CRYBG3: variants seen among roughly 807,000 people sequenced by gnomAD.
CRYBG3 encodes very large A-kinase anchor protein.
In CRYBG3, 127 loss-of-function variants were observed where a neutral mutation model predicts 244.2. That is an observed-to-expected ratio of 0.52 (90% CI 0.45 to 0.60). CRYBG3 has a LOEUF of 0.60. Ranked by LOEUF, CRYBG3 falls within the 20% of genes least tolerant of loss-of-function variation. The pLI, the probability that CRYBG3 is intolerant of heterozygous loss-of-function variation, is 0.00. For synonymous variants in CRYBG3, 1,132 were observed against 1,195.8 expected (o/e 0.95, Z 1.10); for missense variants, 3,325 against 3,442.5 (o/e 0.97, Z 0.85).
intron 2 of CRYBG3, among the ~76,000 whole-genome samples, chr3:97,861,224 A>G (rs533003427): frequency 1.3e-5 from 2 of 152,292 alleles, no homozygotes; most frequent in Non-Finnish European, 2.9e-5. Flanking sequence ...GTCTTTGTGC[A>G]TACTATGGCT....
intron 15 of CRYBG3, among the ~76,000 whole-genome samples, chr3:97,905,461 T>C (rs1261250534): frequency 6.6e-6 from 1 of 151,638 alleles, no homozygotes; most frequent in African/African-American, 2.4e-5. Flanking sequence ...TGGTATCTCA[T>C]TGTGGTTTTG....
At chr3:97,903,821 A>T (rs1194853626) in intron 15 of CRYBG3, among the ~76,000 whole-genome samples, 1 of 152,170 alleles carries the variant, frequency 6.6e-6, no homozygotes, top group Non-Finnish European at 1.5e-5. Flanking sequence ...TCTGCTCAAT[A>T]CTGGTAGTTC....
At position 97,877,197 on chromosome 3, in the gene CRYBG3, A is replaced by G. The variant is rs2039387721; in HGVS notation, c.6003A>G (p.Ile2001Met). ...QDEQENSSFT[I>M]LYEEPLQEED... is the part of the protein sequence containing the mutation. ...AACAAGAAAATTCTTCCTTTACTAT[A>G]TTATACGAAGAGCCCCTTCAAGAGG... is the stretch of plus-strand genomic sequence containing the variant. The change falls in exon 4 of 22, where the codon ATA becomes ATG. Residue 2001 changes from isoleucine (I) to methionine (M), a missense_variant. Physicochemically the swap from Ile to Met is conservative, Grantham distance 10 (BLOSUM62 1). This residue lies in a region of CRYBG3 where 450 missense variants were observed against 424.1 expected (regional missense o/e 1.06). Transcript: ENST00000389622. 3 of 1,614,002 alleles carry G rather than the reference A, an allele frequency of 1.9e-6. No homozygotes were observed. Among genetic ancestry groups the G allele is most frequent in the African/African-American group, 1.3e-5 (1 of 75,058 alleles).
Position 97,876,255 on chromosome 3 carries a change from G to A in CRYBG3, c.5061G>A (p.Leu1687=). The part of the protein sequence containing the change: ...GDIGKTGTIA[L]SEVENIHQKG... Reference sequence around the variant, plus strand: ...TTGGCAAGACTGGGACGATAGCCTTGTCAGAAGTGGAAAATATCCACCAAA... The same window carrying A: ...TTGGCAAGACTGGGACGATAGCCTTATCAGAAGTGGAAAATATCCACCAAA... Residue 1687 remains leucine, a synonymous_variant, in exon 4 of 22, where the codon TTG becomes TTA. Coordinates refer to ENST00000389622, the MANE Select transcript of CRYBG3 (RefSeq NM_153605.4). 8.1e-7 allele frequency: 1 copy of A among 1,231,968 alleles called. No homozygotes were observed. 76.3% of individuals were successfully genotyped at this position (1,231,968 alleles called of 1,614,324 possible).
rs969314852 is a variant in CRYBG3, at chr3:97,876,956, A to G, written c.5762A>G (p.His1921Arg). The change falls in exon 4 of 22, where the codon CAT (histidine) becomes CGT (arginine). Residue 1921 changes from histidine (H) to arginine (R), a missense_variant. Transcript: ENST00000389622. The part of the protein sequence containing the change: ...PTEIKEGLIA[H>R]ENRLPTYFRG... Reference sequence around the variant, plus strand: ...GAAATAAAGGAAGGCTTGATAGCACATGAAAATAGACTTCCTACATATTTC... The same window carrying G: ...GAAATAAAGGAAGGCTTGATAGCACGTGAAAATAGACTTCCTACATATTTC... 6.6e-7 allele frequency: 1 copy of G among 1,505,228 alleles called. No individual in the cohort carries two copies. Among genetic ancestry groups the G allele is most frequent in the Non-Finnish European group, 8.9e-7 (1 of 1,129,760 alleles). 93.2% of individuals were successfully genotyped at this position (1,505,228 alleles called of 1,614,324 possible).
At chr3:97,859,048 ATG>A (rs1466403152) in intron 2 of CRYBG3, among the ~76,000 whole-genome samples, 1 of 152,074 alleles carries the variant, frequency 6.6e-6, no homozygotes, top group Non-Finnish European at 1.5e-5. Flanking sequence ...TAGTCACAAT[ATG>A]TTTTTTTGGG....
At chr3:97,933,120 A>C (rs1289368236) in intron 17 of CRYBG3, 1 of 455,198 alleles carries the variant, frequency 2.2e-6, no homozygotes, top group East Asian at 7.0e-5. Flanking sequence ...TAATGAATGA[A>C]AAAGCAATAC....
At chr3:97,865,575 C>G (rs920656021) in intron 3 of CRYBG3, among the ~76,000 whole-genome samples, 1 of 152,112 alleles carries the variant, frequency 6.6e-6, no homozygotes, top group African/African-American at 2.4e-5. Flanking sequence ...GGGGCTTGTT[C>G]AACCTGATGT....
rs562240745 is a variant in CRYBG3 at position 97,876,630 on chromosome 3, C to T, written c.5436C>T (p.His1812=). The change falls in exon 4 of 22, where the codon CAC becomes CAT. Residue 1812 remains histidine, a synonymous_variant. Transcript: ENST00000389622. ...VPCVLKVKEA[H]ETAPAPLEME... ...GTGTGTTAAAAGTGAAGGAAGCACA[C>T]GAGACAGCACCTGCCCCCTTAGAAA... 19 of 1,234,198 alleles carry T rather than the reference C, an allele frequency of 1.5e-5. No homozygotes were observed. The highest frequency in any genetic ancestry group is 3.1e-5 in the East Asian group (1 of 31,776). The allele number at this position is 1,234,198 out of a possible 1,614,324, so 76.5% of individuals were successfully genotyped here.
chr3:97,914,266 C>T (rs2108252179), intron 16 of CRYBG3, among the ~76,000 whole-genome samples: 1 of 151,998 alleles, frequency 6.6e-6, no homozygotes, highest in East Asian at 1.9e-4. Context: ...ATAAGAAATA[C>T]ACACACACAC....
chr3:97,877,685 G>C lies in CRYBG3; in HGVS notation c.6491G>C (p.Arg2164Thr), dbSNP rs1366483151. ...EAAVLHKGDL[R>T]AGSGERVTFQ... ...GCAGTATTGCATAAAGGAGATCTGAGAGCTGGAAGTGGGGAGCGTGTTACC... is the reference window on the plus strand; with the variant it reads ...GCAGTATTGCATAAAGGAGATCTGACAGCTGGAAGTGGGGAGCGTGTTACC... The change falls in exon 4 of 22, where the codon AGA becomes ACA. Residue 2164 changes from arginine to threonine, a missense_variant. Arg to Thr is a moderately conservative substitution (Grantham distance 71). Transcript: ENST00000389622. The C allele has an allele frequency of 6.2e-7, 1 of 1,613,964 alleles. No individual in the cohort carries two copies. Among genetic ancestry groups the C allele is most frequent in the Non-Finnish European group, 8.5e-7 (1 of 1,179,998 alleles).
intron 19 of CRYBG3, among the ~76,000 whole-genome samples, chr3:97,938,930 A>G (rs973943549): frequency 3.9e-5 from 6 of 151,918 alleles, no homozygotes; most frequent in African/African-American, 1.2e-4. Flanking sequence ...CCCCACTCCT[A>G]TCATGTGGAA....
chr3:97,853,684 A>G (rs751772754), intron 2 of CRYBG3, among the ~76,000 whole-genome samples: 3 of 152,158 alleles, frequency 2.0e-5, no homozygotes, highest in Admixed American at 6.5e-5. Context: ...AGCAGTGTAA[A>G]AGTGTTCTCC....
intron 2 of CRYBG3, among the ~76,000 whole-genome samples, chr3:97,846,898 T>A (rs948037664): frequency 6.6e-6 from 1 of 152,198 alleles, no homozygotes; most frequent in Non-Finnish European, 1.5e-5. Context: ...TACCTGAGAC[T>A]GGGTAATTTA....
intron 1 of CRYBG3, among the ~76,000 whole-genome samples, chr3:97,830,512 A>G (rs962589630): frequency 1.3e-5 from 2 of 152,152 alleles, no homozygotes; most frequent in Non-Finnish European, 2.9e-5. Context: ...TCTAACAAAC[A>G]AGGGTACATG....
chr3:97,924,293 C>T, intron 17 of CRYBG3: 1 of 368,182 alleles, frequency 2.7e-6, no homozygotes, highest in Non-Finnish European at 5.2e-6. Context: ...GGATTAATAA[C>T]AAGCTAAATG....
intron 7 of CRYBG3, among the ~76,000 whole-genome samples, chr3:97,882,119 G>A (rs180672453): frequency 6.6e-6 from 1 of 152,120 alleles, no homozygotes; most frequent in Admixed American, 6.5e-5. Context: ...TGAGGCAGGA[G>A]AATCACTTGA....
rs956733163 is a variant in CRYBG3 at position 97,933,851 on chromosome 3, G to C, written c.8381+18G>C. On this transcript the variant is annotated intron_variant, in intron 18 of 21. Transcript: ENST00000389622. The stretch of plus-strand genomic sequence containing the variant: ...AGTGGACTGTAAGTATGGGAAAAAG[G>C]CTTGGTCTGGTTCAGTTACTGTTTT... 5 of 1,608,420 alleles carry C rather than the reference G, an allele frequency of 3.1e-6. No homozygotes were observed. In the South Asian group the frequency reaches 5.5e-5, roughly 18 times the overall value.
intron 1 of CRYBG3, among the ~76,000 whole-genome samples, chr3:97,841,356 ATTC>A (rs2038815900): frequency 6.6e-6 from 1 of 151,488 alleles, no homozygotes; most frequent in African/African-American, 2.4e-5. Context: ...ATATATGTAT[ATTC>A]TTTTTCTGTT....
Sources: gnomAD v4.1 joint callset for allele counts (sites outside exome capture counted in the v4.1 genomes callset) on GRCh38, gnomAD v4.1.1 for gene constraint, gnomAD v4.1.1 regional missense constraint, MANE v1.5 for transcripts, NCBI Gene and HGNC (gene_info 2026-07-23, HGNC 2026-07-21) for gene names.